RBFOX3: variants seen among roughly 807,000 people sequenced by gnomAD.
RBFOX3 encodes the protein RNA binding protein fox-1 homolog 3.
Under a neutral mutation model 48.7 loss-of-function variants are expected in RBFOX3, and 17 were observed. The ratio of observed to expected loss-of-function variants is 0.35; its 90% CI spans 0.24 to 0.52. The LOEUF (loss-of-function observed/expected upper bound fraction) is 0.52. Among genes scored for constraint, RBFOX3 ranks in the 20% least tolerant of loss-of-function variants. RBFOX3 has a pLI of 0.94. For missense variants in RBFOX3, 382 were observed against 497.5 expected (o/e 0.77, Z 2.21); for synonymous variants, 212 against 209.5 (o/e 1.01, Z -0.10).
chr17:79,308,186 G>C (rs2076342149), intron 2 of RBFOX3, among the ~76,000 whole-genome samples: 1 of 151,984 alleles, frequency 6.6e-6, no homozygotes, highest in African/African-American at 2.4e-5. Context: ...CTGTCCCCAA[G>C]CCGGGCCCCA....
rs549626390 is a variant in RBFOX3, at chr17:79,225,847, C to T, written c.-34+9919G>A. Among the ~76,000 whole-genome samples the T allele has an allele frequency of 5.3e-5, 8 of 152,304 alleles. No homozygotes were observed. The South Asian group carries it at 1.2e-3, about 24-fold the overall frequency. On this transcript the variant is annotated intron_variant, in intron 4 of 14. Transcript: ENST00000693108. Reference sequence around the variant, plus strand: ...CCAAACAGGTTAACCTTCCTGCACTCCTGGGCTTTACCCCGTACTGGGGAG... The same window carrying T: ...CCAAACAGGTTAACCTTCCTGCACTTCTGGGCTTTACCCCGTACTGGGGAG...
At chr17:79,489,701 G>A (rs1228354000) in intron 1 of RBFOX3, among the ~76,000 whole-genome samples, 3 of 152,276 alleles carry the variant, frequency 2.0e-5, no homozygotes, top group Admixed American at 1.3e-4. Flanking sequence ...GAGCTTGCCC[G>A]GGGTGCAGTT....
At chr17:79,107,031 C>G (rs562791344) in intron 5 of RBFOX3, among the ~76,000 whole-genome samples, 1 of 152,194 alleles carries the variant, frequency 6.6e-6, no homozygotes, top group East Asian at 1.9e-4. Context: ...CAGGTGAGGC[C>G]GCCTCCCTCC....
At chr17:79,157,671 G>A (rs553219286) in intron 4 of RBFOX3, among the ~76,000 whole-genome samples, 4 of 152,176 alleles carry the variant, frequency 2.6e-5, no homozygotes, top group Non-Finnish European at 4.4e-5. Context: ...GCTCTGCCGG[G>A]GGACAGAGGC....
chr17:79,583,009 G>A (rs1316537890), intron 1 of RBFOX3, among the ~76,000 whole-genome samples: 8 of 152,122 alleles, frequency 5.3e-5, no homozygotes, highest in Non-Finnish European at 1.0e-4. Context: ...CCACATCATA[G>A]GCTGTTGAGG....
At chr17:79,663,446 T>C in the RBFOX3 span, among the ~76,000 whole-genome samples, 1 of 152,206 alleles carries the variant, frequency 6.6e-6, no homozygotes, top group Non-Finnish European at 1.5e-5. Flanking sequence ...GCTGAGGCTG[T>C]TCTCCTCCCA....
intron 2 of RBFOX3, among the ~76,000 whole-genome samples, chr17:79,323,032 G>C (rs1175846272): frequency 6.6e-6 from 1 of 152,220 alleles, no homozygotes; most frequent in Non-Finnish European, 1.5e-5. Flanking sequence ...GGACATGAAG[G>C]CTGGGAACCA....
At chr17:79,563,726 C>T (rs2092345447) in intron 1 of RBFOX3, among the ~76,000 whole-genome samples, 1 of 152,210 alleles carries the variant, frequency 6.6e-6, no homozygotes, top group Non-Finnish European at 1.5e-5. Context: ...ACCAATCCAT[C>T]TTCAGTGCCT....
At chr17:79,612,634 G>A (rs2093977467), upstream of RBFOX3, among the ~76,000 whole-genome samples, 2 of 152,212 alleles carry the variant, frequency 1.3e-5, no homozygotes, top group Admixed American at 6.5e-5. Context: ...CAGCTAAACA[G>A]CCCCACAGCT....
At chr17:79,228,404 G>C (rs948960840) in intron 4 of RBFOX3, among the ~76,000 whole-genome samples, 1 of 152,332 alleles carries the variant, frequency 6.6e-6, no homozygotes, top group Admixed American at 6.5e-5. Flanking sequence ...CTCTCCAGCT[G>C]TAATTAATAC....
In RBFOX3 at chr17:79,214,212, G is replaced by A. The variant is rs1480526805; in HGVS notation, c.-34+21554C>T. Among the ~76,000 whole-genome samples the A allele has an allele frequency of 4.6e-5, 7 of 152,130 alleles. No individual in the cohort carries two copies. The highest frequency in any genetic ancestry group is 1.7e-4 in the African/African-American group (7 of 41,426). On this transcript the variant is annotated intron_variant, in intron 4 of 14. Transcript: ENST00000693108. This position sits in a 1 kb window ranked among gnomAD's most constrained non-coding sequence, Gnocchi z 4.7. ...TGGGTATTAGGACCCTGATAAAGTC[G>A]GCCTCTCCAGCAACGCACGGAGCTA...
At chr17:79,658,766 G>C in the RBFOX3 span, among the ~76,000 whole-genome samples, 1 of 152,108 alleles carries the variant, frequency 6.6e-6, no homozygotes, top group African/African-American at 2.4e-5. Flanking sequence ...AGCCCCTACT[G>C]TGTGCCAGGC....
At chr17:79,097,170 T>TCC (rs1404218290) in intron 11 of RBFOX3, 122 bp downstream of exon 11, 2 of 834,770 alleles carry the variant, frequency 2.4e-6, no homozygotes, top group Non-Finnish European at 3.6e-6. Context: ...GCTCCCACGA[T>TCC]CCTCCCCCCC....
chr17:79,348,571 CTTTTTTT>C (rs71358701), intron 2 of RBFOX3, among the ~76,000 whole-genome samples: 8 of 75,168 alleles, frequency 1.1e-4, no homozygotes, highest in East Asian at 4.5e-4. Context: ...TTTTCTTTTC[CTTTTTTT>C]TTTTTTTTTT....
intron 1 of RBFOX3, among the ~76,000 whole-genome samples, chr17:79,493,398 A>G (rs1568340169): frequency 6.6e-6 from 1 of 152,118 alleles, no homozygotes; most frequent in Non-Finnish European, 1.5e-5. Flanking sequence ...AGAGCGTCAG[A>G]TGCTACAAAG....
At chr17:79,507,774 G>A (rs1555779339) in intron 1 of RBFOX3, among the ~76,000 whole-genome samples, 1 of 152,178 alleles carries the variant, frequency 6.6e-6, no homozygotes, top group African/African-American at 2.4e-5. Flanking sequence ...CAAAGGGAGA[G>A]TCTCCTCTCT....
rs1379008462 is a variant in RBFOX3 at position 79,471,062 on chromosome 17, G to GA, written c.-175+11391dup. Among the ~76,000 whole-genome samples, 1 of 152,166 alleles carries GA rather than the reference G, an allele frequency of 6.6e-6. No individual in the cohort carries two copies. Among genetic ancestry groups the GA allele is most frequent in the South Asian group, 2.1e-4 (1 of 4,832 alleles). On this transcript the variant is annotated intron_variant, in intron 2 of 14. Coordinates refer to ENST00000693108, the MANE Select transcript of RBFOX3 (RefSeq NM_001350451.2). The surrounding 1 kb of genome is among the most constrained non-coding windows in gnomAD (Gnocchi z 4.0). ...CCCTTCCTTTCTATTCACTGAAGGA[G>GA]AAAAAACAGAATTAACTGCTTCATA...
At chr17:79,509,920 C>T (rs2083850234) in intron 1 of RBFOX3, among the ~76,000 whole-genome samples, 1 of 152,224 alleles carries the variant, frequency 6.6e-6, no homozygotes, top group African/African-American at 2.4e-5. Flanking sequence ...TCCAATCCTA[C>T]TTACTTGGGC....
chr17:79,538,057 A>G (rs2089124771), intron 1 of RBFOX3, among the ~76,000 whole-genome samples: 1 of 152,200 alleles, frequency 6.6e-6, no homozygotes, highest in African/African-American at 2.4e-5. Flanking sequence ...AGCCCAGCAC[A>G]GGGGTTGGGG....
Sources: gnomAD v4.1 joint callset for allele counts (sites outside exome capture counted in the v4.1 genomes callset) on GRCh38, gnomAD v4.1.1 for gene constraint, Gnocchi (gnomAD v3.1) non-coding constraint, MANE v1.5 for transcripts, NCBI Gene and HGNC (gene_info 2026-07-23, HGNC 2026-07-21) for gene names.